The following NCAM1 variants were observed in gnomAD, a reference collection of about 807,000 sequenced individuals.
NCAM1 encodes the protein neural cell adhesion molecule 1.
NCAM1 carries 14 observed loss-of-function variants against 109.8 expected under a neutral mutation model. That is an observed-to-expected ratio of 0.13 (90% CI 0.08 to 0.20). The LOEUF is 0.20. Among genes scored for constraint, NCAM1 ranks in the 10% least tolerant of loss-of-function variants. The pLI, the probability that NCAM1 is intolerant of heterozygous loss-of-function variation, is 1.00. For missense variants in NCAM1, 774 were observed against 1,109.9 expected (o/e 0.70, Z 4.30); for synonymous variants, 418 against 442.9 (o/e 0.94, Z 0.70).
rs367901170 is a variant in NCAM1, at chr11:113,205,565, G to A, written c.389G>A (p.Arg130Gln). The change falls in exon 4 of 20, where the codon CGG becomes CAG. Residue 130 changes from arginine to glutamine, a missense_variant. Physicochemically the swap from Arg to Gln is conservative, Grantham distance 43. Transcript: ENST00000316851. ...AATGCGCCAACCCCACAGGAGTTCCGGGAGGGGGAAGATGCCGTGATTGTG... is the reference window on the plus strand; with the variant it reads ...AATGCGCCAACCCCACAGGAGTTCCAGGAGGGGGAAGATGCCGTGATTGTG... ...FKNAPTPQEF[R>Q]EGEDAVIVCD... 78 of 1,613,392 alleles carry A rather than the reference G, an allele frequency of 4.8e-5. No homozygotes were observed. The highest frequency in any genetic ancestry group is 6.7e-5 in the African/African-American group (5 of 74,890).
At chr11:113,247,278 A>G (rs533603823) in intron 15 of NCAM1, among the ~76,000 whole-genome samples, 2 of 152,134 alleles carry the variant, frequency 1.3e-5, no homozygotes, top group Non-Finnish European at 2.9e-5. Context: ...TTTTCTCCTA[A>G]CTGGAATGTT....
At chr11:113,219,026 G>A (rs1047250605) in intron 8 of NCAM1, among the ~76,000 whole-genome samples, 3 of 152,218 alleles carry the variant, frequency 2.0e-5, no homozygotes, top group Non-Finnish European at 2.9e-5. Flanking sequence ...GATGATTTAC[G>A]TACTCTATCC....
chr11:113,047,599 C>T (rs1953315632), intron 1 of NCAM1, among the ~76,000 whole-genome samples: 1 of 152,104 alleles, frequency 6.6e-6, no homozygotes, highest in Admixed American at 6.5e-5. Flanking sequence ...GATCTTAATC[C>T]TCTGTTTTGG....
intron 1 of NCAM1, among the ~76,000 whole-genome samples, chr11:113,028,840 T>A (rs1317608370): frequency 6.6e-6 from 1 of 152,202 alleles, no homozygotes; most frequent in Non-Finnish European, 1.5e-5. Flanking sequence ...TATTTTTCCT[T>A]TTATTCTCAG....
At chr11:113,205,812 T>A in intron 4 of NCAM1, 146 bp downstream of exon 4, 2 of 1,214,502 alleles carry the variant, frequency 1.6e-6, no homozygotes, top group Non-Finnish European at 2.3e-6. Flanking sequence ...AATAGATGCA[T>A]ATCTGAAGTT....
At chr11:113,054,371 A>T (rs1221586214) in intron 1 of NCAM1, among the ~76,000 whole-genome samples, 1 of 152,190 alleles carries the variant, frequency 6.6e-6, no homozygotes, top group African/African-American at 2.4e-5. Flanking sequence ...TTATAATAAA[A>T]GTCCCACCCT....
At chr11:113,077,297 G>T (rs1565422002) in intron 1 of NCAM1, among the ~76,000 whole-genome samples, 1 of 152,196 alleles carries the variant, frequency 6.6e-6, no homozygotes, top group African/African-American at 2.4e-5. Context: ...GGAGGAGATT[G>T]TATTTTGATC....
chr11:113,025,731 A>G (rs1952519534), intron 1 of NCAM1, among the ~76,000 whole-genome samples: 1 of 151,122 alleles, frequency 6.6e-6, no homozygotes, highest in Non-Finnish European at 1.5e-5. Context: ...AAAAAAAAAA[A>G]AAGCTCTCTC....
intron 1 of NCAM1, among the ~76,000 whole-genome samples, chr11:113,028,211 G>C (rs1182683346): frequency 6.6e-6 from 1 of 152,052 alleles, no homozygotes; most frequent in Non-Finnish European, 1.5e-5. Context: ...AAAAAATAAA[G>C]GTTTGAGGTG....
chr11:113,222,201 G>A (rs553074056), intron 9 of NCAM1, among the ~76,000 whole-genome samples: 5 of 152,284 alleles, frequency 3.3e-5, no homozygotes, highest in African/African-American at 9.6e-5. Flanking sequence ...CTTTTATCCA[G>A]ATGGGGCTTT....
In NCAM1 at chr11:113,277,242, G is replaced by T; in HGVS notation, c.*1855G>T. 1 of 398,370 alleles carries T rather than the reference G, an allele frequency of 2.5e-6. No homozygotes were observed. The highest frequency in any genetic ancestry group is 1.3e-4 in the South Asian group (1 of 7,524). The allele number at this position is 398,370 out of a possible 1,614,324, so 24.7% of individuals were successfully genotyped here. ...TGTGGGCCACTCTCCCCAACGTTCT[G>T]ACACTTCTGCAGTCTGATCAGTGGC... On this transcript the variant is annotated 3_prime_UTR_variant, in exon 20 of 20. Coordinates refer to ENST00000316851, the MANE Select transcript of NCAM1 (RefSeq NM_181351.5).
intron 9 of NCAM1, among the ~76,000 whole-genome samples, chr11:113,224,905 A>G (rs955007297): frequency 5.3e-5 from 8 of 152,252 alleles, no homozygotes; most frequent in Non-Finnish European, 7.3e-5. Context: ...ACAAACAGAA[A>G]GAACATCCAC....
chr11:113,230,440 A>G (rs536460819), intron 9 of NCAM1, among the ~76,000 whole-genome samples: 2 of 152,302 alleles, frequency 1.3e-5, no homozygotes, highest in East Asian at 3.9e-4. Context: ...GGAATAGGCT[A>G]GATCTGTCAG....
chr11:113,045,968 G>T (rs1341528698), intron 1 of NCAM1, among the ~76,000 whole-genome samples: 2 of 152,056 alleles, frequency 1.3e-5, no homozygotes, highest in African/African-American at 2.4e-5. Context: ...CAAAGCTATA[G>T]GTAAATGATG....
At position 113,023,397 on chromosome 11, in the gene NCAM1, A is replaced by T. The variant is rs1952449332; in HGVS notation, c.52+61733A>T. On this transcript the variant is annotated intron_variant, in intron 1 of 19. Transcript: ENST00000316851. ...ATGCCAGCTCCGTGACTTTTATAGC[A>T]GTTCATTCAGCTGCCTACCCACAAA... Among the ~76,000 whole-genome samples the T allele has an allele frequency of 3.3e-5, 5 of 152,330 alleles. No homozygotes were observed. The South Asian group carries it at 1.0e-3, about 32-fold the overall frequency.
At position 113,271,741 on chromosome 11, in the gene NCAM1, A is replaced by T; in HGVS notation, c.2340-19A>T. On this transcript the variant is annotated intron_variant, in intron 18 of 19. Transcript: ENST00000316851. Reference sequence around the variant, plus strand: ...CCTGCAGCTGCCCTAGGGTCTAACCAGCAGTACTGTCTCCACAGGAAAGAT... The same window carrying T: ...CCTGCAGCTGCCCTAGGGTCTAACCTGCAGTACTGTCTCCACAGGAAAGAT... 3 of 1,535,978 alleles carry T rather than the reference A, an allele frequency of 2.0e-6. No individual in the cohort carries two copies. The highest frequency in any genetic ancestry group is 2.6e-6 in the Non-Finnish European group (3 of 1,133,252).
chr11:113,271,956 G>A (rs1946291720), intron 19 of NCAM1, 80 bp downstream of exon 19: 1 of 1,086,510 alleles, frequency 9.2e-7, no homozygotes, highest in Non-Finnish European at 1.3e-6. Context: ...CACCTCCCGT[G>A]CCCCTACCCA....
At chr11:113,264,464 G>A (rs143737677) in intron 17 of NCAM1, 16 of 985,492 alleles carry the variant, frequency 1.6e-5, no homozygotes, top group South Asian at 4.7e-5. Context: ...AACTCTCCCC[G>A]CTGGAGTCCC....
At chr11:113,067,602 TGTGATGCAACTAGCTCACTA>T (rs1938028514) in intron 1 of NCAM1, among the ~76,000 whole-genome samples, 1 of 152,258 alleles carries the variant, frequency 6.6e-6, no homozygotes, top group Non-Finnish European at 1.5e-5. Context: ...CATTTGAGAT[TGTGATGCAACTAGCTCACTA>T]GTTCTACCAC....
Sources: allele counts gnomAD v4.1 joint callset (sites outside exome capture counted in the v4.1 genomes callset), GRCh38; gene constraint gnomAD v4.1.1; transcripts MANE v1.5; gene names NCBI Gene and HGNC (gene_info 2026-07-23, HGNC 2026-07-21).